KCNQ5: variants seen among roughly 807,000 people sequenced by gnomAD.
KCNQ5 encodes potassium voltage-gated channel subfamily Q member 5, also known as potassium voltage-gated channel subfamily KQT member 5.
A neutral mutation model predicts 98.2 loss-of-function variants in KCNQ5; 30 were observed. The ratio of observed to expected loss-of-function variants is 0.31; its 90% CI spans 0.23 to 0.41. The LOEUF (loss-of-function observed/expected upper bound fraction) is 0.41, where lower values mean the gene tolerates loss of function less well. Among genes scored for constraint, KCNQ5 ranks in the 10% least tolerant of loss-of-function variants. KCNQ5 has a pLI of 1.00. For synonymous variants in KCNQ5, 458 were observed against 449.4 expected (o/e 1.02, Z -0.24); for missense variants, 835 against 1,182.5 (o/e 0.71, Z 4.31).
intron 1 of KCNQ5, among the ~76,000 whole-genome samples, chr6:72,948,995 G>C (rs138354923): frequency 1.1e-4 from 16 of 152,060 alleles, no homozygotes; most frequent in African/African-American, 3.9e-4. Context: ...ATTGTTATTG[G>C]ATCAAAATCA....
At chr6:73,176,311 C>T (rs1056507777) in intron 11 of KCNQ5, among the ~76,000 whole-genome samples, 5 of 152,098 alleles carry the variant, frequency 3.3e-5, no homozygotes, top group Non-Finnish European at 7.4e-5. Flanking sequence ...TGTGTAGCAC[C>T]TCCCTCCCGC....
intron 1 of KCNQ5, among the ~76,000 whole-genome samples, chr6:72,690,748 T>G (rs1200624085): frequency 1.3e-5 from 2 of 152,024 alleles, no homozygotes; most frequent in Non-Finnish European, 1.5e-5. Flanking sequence ...GTACAATACT[T>G]TTTATTTCTT....
At chr6:73,150,436 T>C (rs1174104985) in intron 10 of KCNQ5, among the ~76,000 whole-genome samples, 2 of 146,994 alleles carry the variant, frequency 1.4e-5, no homozygotes, top group African/African-American at 5.0e-5. Context: ...CCCAGAGTAA[T>C]ATTAATATAT....
chr6:73,077,679 G>A (rs1290654402), intron 4 of KCNQ5, 83 bp from the exon 5 acceptor site: 64 of 1,373,762 alleles, frequency 4.7e-5, no homozygotes, highest in Non-Finnish European at 6.2e-5. Context: ...AAGTAGTAAA[G>A]TGAATAGAAT....
intron 1 of KCNQ5, among the ~76,000 whole-genome samples, chr6:72,664,303 CA>C (rs1222669821): frequency 6.6e-6 from 1 of 152,106 alleles, no homozygotes; most frequent in Non-Finnish European, 1.5e-5. Context: ...TGACAAATAA[CA>C]AAATGTATTC....
chr6:73,128,743 C>T (rs1380531683), intron 9 of KCNQ5, among the ~76,000 whole-genome samples: 1 of 152,168 alleles, frequency 6.6e-6, no homozygotes, highest in East Asian at 1.9e-4. Flanking sequence ...TTTGCTAGAA[C>T]CCTTTCAGAT....
chr6:73,009,581 T>G lies in KCNQ5; in HGVS notation c.489+5583T>G, dbSNP rs140981584. On this transcript the variant is annotated intron_variant, in intron 2 of 13. Transcript: ENST00000370398. ...CTAGAAAAACAATAAAGAAAATCAA[T>G]GAAACCAAAAGTTGGCTGTTAGAAA... Among the ~76,000 whole-genome samples the G allele has an allele frequency of 5.0e-3, 761 of 151,992 alleles. 4 individuals are homozygous for G. The highest frequency in any genetic ancestry group is 8.3e-3 in the Admixed American group (127 of 15,256).
chr6:72,732,732 G>T (rs576113040), intron 1 of KCNQ5, among the ~76,000 whole-genome samples: 1 of 152,350 alleles, frequency 6.6e-6, no homozygotes, highest in African/African-American at 2.4e-5. Flanking sequence ...GGTACAGTGA[G>T]AATGGGTTGG....
chr6:72,625,123 C>A (rs2098917416), intron 1 of KCNQ5, among the ~76,000 whole-genome samples: 1 of 152,080 alleles, frequency 6.6e-6, no homozygotes, highest in South Asian at 2.1e-4. Context: ...ACTTGGTCAA[C>A]CAGTGTTTTC....
At chr6:72,651,612 A>G (rs1765880064) in intron 1 of KCNQ5, among the ~76,000 whole-genome samples, 2 of 152,074 alleles carry the variant, frequency 1.3e-5, no homozygotes, top group South Asian at 4.1e-4. Context: ...GACAGTTTTT[A>G]ACTAGTAATG....
At chr6:72,962,182 A>AAT (rs369197941) in intron 1 of KCNQ5, among the ~76,000 whole-genome samples, 64,460 of 128,808 alleles carry the variant, frequency 0.5, 17,330 homozygotes, top group Non-Finnish European at 0.62. Context: ...TGTTTCTCTA[A>AAT]ATATATATAT....
At chr6:72,729,261 A>G (rs936616881) in intron 1 of KCNQ5, among the ~76,000 whole-genome samples, 1 of 152,168 alleles carries the variant, frequency 6.6e-6, no homozygotes, top group Admixed American at 6.5e-5. Context: ...GTAAGAAAAA[A>G]ATTATAAAAG....
chr6:72,819,750 A>G (rs1300357822), intron 1 of KCNQ5, among the ~76,000 whole-genome samples: 1 of 152,174 alleles, frequency 6.6e-6, no homozygotes, highest in Non-Finnish European at 1.5e-5. Context: ...TCACTGGAGT[A>G]ATTTCTCACC....
intron 5 of KCNQ5, among the ~76,000 whole-genome samples, chr6:73,089,810 T>G (rs1290607990): frequency 6.6e-6 from 1 of 152,068 alleles, no homozygotes; most frequent in African/African-American, 2.4e-5. Context: ...TATCCACTCA[T>G]TGATTGATGG....
chr6:72,644,240 C>T (rs1280954937), intron 1 of KCNQ5, among the ~76,000 whole-genome samples: 3 of 152,044 alleles, frequency 2.0e-5, no homozygotes, highest in African/African-American at 7.2e-5. Flanking sequence ...CAATACATAA[C>T]CTTATTTTAT....
intron 1 of KCNQ5, among the ~76,000 whole-genome samples, chr6:72,829,473 T>C (rs1469501889): frequency 6.6e-6 from 1 of 151,912 alleles, no homozygotes; most frequent in Non-Finnish European, 1.5e-5. Flanking sequence ...TGCTTAAAAA[T>C]GACTTTACCA....
intron 1 of KCNQ5, among the ~76,000 whole-genome samples, chr6:72,721,023 C>A (rs1240682245): frequency 1.3e-5 from 2 of 152,122 alleles, no homozygotes; most frequent in African/African-American, 2.4e-5. Flanking sequence ...GCCAGACAGA[C>A]AATAACCAAA....
chr6:72,979,347 AC>A (rs1768317063), intron 1 of KCNQ5, among the ~76,000 whole-genome samples: 1 of 152,124 alleles, frequency 6.6e-6, no homozygotes, highest in African/African-American at 2.4e-5. Flanking sequence ...TTCTTTCCTG[AC>A]TTTTTAATGA....
chr6:73,015,435 TAGAGG>T lies in KCNQ5; in HGVS notation c.489+11439_489+11443del, dbSNP rs1386986746. On this transcript the variant is annotated intron_variant, in intron 2 of 13. Coordinates refer to ENST00000370398, the MANE Select transcript of KCNQ5 (RefSeq NM_019842.4). Reference sequence around the variant, plus strand: ...GCCCCATAAAAAGTATTTCAGATATTAGAGGAAAGAATTTTTGAAGCTAAAGATAA... The same window carrying T: ...GCCCCATAAAAAGTATTTCAGATATTAAAGAATTTTTGAAGCTAAAGATAA... 3.3e-5 allele frequency among the ~76,000 whole-genome samples: 5 copies of T among 152,066 alleles called. No individual in the cohort carries two copies. The East Asian group carries it at 9.6e-4, about 29-fold the overall frequency.
Sources: gnomAD v4.1 joint callset for allele counts (sites outside exome capture counted in the v4.1 genomes callset) on GRCh38, gnomAD v4.1.1 for gene constraint, MANE v1.5 for transcripts, NCBI Gene and HGNC (gene_info 2026-07-23, HGNC 2026-07-21) for gene names.